The following CPZ variants were observed in gnomAD, a reference collection of about 807,000 sequenced individuals.
The protein encoded by CPZ is VEZT/CPZ fusion.
Under a neutral mutation model 61.8 loss-of-function variants are expected in CPZ, and 103 were observed. The observed-to-expected ratio is 1.67, with a 90% confidence interval of 1.42 to 1.96. The LOEUF is 1.96. Ranked by LOEUF, CPZ falls within the 30% of genes most tolerant of loss-of-function variation. The pLI is 0.00. For synonymous variants in CPZ, 551 were observed against 373.7 expected (o/e 1.47, Z -5.47); for missense variants, 1,461 against 914.9 (o/e 1.60, Z -7.70).
intron 2 of CPZ, among the ~76,000 whole-genome samples, chr4:8,600,421 T>C (rs1714488016): frequency 3.3e-5 from 5 of 152,290 alleles, no homozygotes; most frequent in South Asian, 4.1e-4. Flanking sequence ...GAGAAGGCCA[T>C]CTGGGGGTGC....
intron 9 of CPZ, among the ~76,000 whole-genome samples, chr4:8,617,444 C>T (rs572805209): frequency 1.3e-5 from 2 of 152,322 alleles, no homozygotes; most frequent in East Asian, 3.9e-4. Flanking sequence ...GGCCCAGGCT[C>T]TTTGCTTCTG....
chr4:8,609,064 C>CCCAT (rs1462338730), intron 7 of CPZ, among the ~76,000 whole-genome samples: 1 of 118,378 alleles, frequency 8.4e-6, no homozygotes, highest in Non-Finnish European at 1.8e-5. Context: ...CCCTCACTCC[C>CCCAT]TCACTCACCA....
chr4:8,619,367 G>A lies in CPZ; in HGVS notation c.1709G>A (p.Arg570Gln), dbSNP rs113699437. 2.7e-4 allele frequency: 440 copies of A among 1,614,170 alleles called. 9 individuals are homozygous for A. In the Middle Eastern group the frequency reaches 0.017, roughly 63 times the overall value. ...ATCAAGAAAGTCATCATCCCCGCCC[G>A]GATGAAGAGGGCTGGCCGTGTGGAC... ...KVIKKVIIPA[R>Q]MKRAGRVDFI... Residue 570 changes from arginine to glutamine, a missense_variant, in exon 11 of 11, where the codon CGG (arginine) becomes CAG (glutamine). Coordinates refer to ENST00000360986, the MANE Select transcript of CPZ (RefSeq NM_001014447.3).
intron 4 of CPZ, among the ~76,000 whole-genome samples, chr4:8,604,757 C>T (rs1464794534): frequency 6.6e-6 from 1 of 152,218 alleles, no homozygotes; most frequent in African/African-American, 2.4e-5. Context: ...CAAACAGAAT[C>T]GGTTATTTTA....
intron 9 of CPZ, among the ~76,000 whole-genome samples, chr4:8,616,794 G>A (rs557842211): frequency 1.3e-5 from 2 of 152,190 alleles, no homozygotes; most frequent in African/African-American, 4.8e-5. Flanking sequence ...CCCGCTAAAT[G>A]CGAGTCCATG....
intron 6 of CPZ, 150 bp from the exon 7 acceptor site, chr4:8,607,117 G>C: frequency 9.1e-7 from 1 of 1,093,298 alleles, no homozygotes; most frequent in Non-Finnish European, 1.3e-6. Flanking sequence ...CAGGGGCCCA[G>C]TGATGGGGGC....
At chr4:8,599,508 G>A in intron 2 of CPZ, 23 bp downstream of exon 2, 1 of 1,613,346 alleles carries the variant, frequency 6.2e-7, no homozygotes, top group Non-Finnish European at 8.5e-7. Context: ...GACCTCCCTG[G>A]CTTCTGTTCT....
chr4:8,599,681 G>C (rs558053652), intron 2 of CPZ, 196 bp downstream of exon 2: 13 of 1,407,670 alleles, frequency 9.2e-6, no homozygotes, highest in Non-Finnish European at 1.2e-5. Flanking sequence ...GCTAGGAAAA[G>C]GTGCACCAGC....
rs1294200052 is a variant in CPZ, at chr4:8,609,252, C to G, written c.1227+1827C>G. ...CTCATTGTCACTCATTCACTCATCA[C>G]TCACTCATTCTCTTATTCATTCACA... On this transcript the variant is annotated intron_variant, in intron 7 of 10. Coordinates refer to ENST00000360986, the MANE Select transcript of CPZ (RefSeq NM_001014447.3). Among the ~76,000 whole-genome samples, 21 of 73,340 alleles carry G rather than the reference C, an allele frequency of 2.9e-4. 1 individual carries two copies. The highest frequency in any genetic ancestry group is 1.1e-3 in the African/African-American group (15 of 13,176). 48.1% of individuals were successfully genotyped at this position (73,340 alleles called of 152,430 possible). A position where few individuals can be genotyped will look rare whatever the true frequency, so the allele number is the denominator to read the frequency against.
intron 4 of CPZ, among the ~76,000 whole-genome samples, chr4:8,605,128 G>A (rs1456841713): frequency 6.6e-6 from 1 of 152,232 alleles, no homozygotes; most frequent in Non-Finnish European, 1.5e-5. Flanking sequence ...ACCCCGGGAT[G>A]TGGCATCTGA....
chr4:8,605,941 G>T, intron 4 of CPZ, 48 bp from the exon 5 acceptor site: 1 of 1,578,236 alleles, frequency 6.3e-7, no homozygotes, highest in Non-Finnish European at 8.7e-7. Context: ...TGCCTTTGGG[G>T]ACCCCCGGCT....
chr4:8,613,483 G>A (rs1276109950), intron 8 of CPZ, among the ~76,000 whole-genome samples: 1 of 152,152 alleles, frequency 6.6e-6, no homozygotes, highest in Admixed American at 6.5e-5. Context: ...CCGGGGACCA[G>A]AGCTAGCTGG....
chr4:8,613,032 C>T (rs1715843285), intron 8 of CPZ, among the ~76,000 whole-genome samples: 1 of 152,224 alleles, frequency 6.6e-6, no homozygotes. Context: ...TCTCTCCCTT[C>T]CAGAACCCAG....
chr4:8,608,150 C>CCAGCCCG (rs1425610908), intron 7 of CPZ, among the ~76,000 whole-genome samples: 2 of 151,336 alleles, frequency 1.3e-5, no homozygotes, highest in Non-Finnish European at 2.9e-5. Flanking sequence ...CCCCCAGCCC[C>CCAGCCCG]CAGCCCCCAG....
rs781743967 is a variant in CPZ at position 8,601,294 on chromosome 4, G to A, written c.293G>A (p.Arg98Gln). The A allele has an allele frequency of 1.4e-5, 23 of 1,612,956 alleles. No homozygotes were observed. Among genetic ancestry groups the A allele is most frequent in the East Asian group, 4.5e-5 (2 of 44,858 alleles). ...LLEGQCNPDL[R>Q]LLGCAVLAPR... is the part of the protein sequence containing the mutation. The stretch of plus-strand genomic sequence containing the variant: ...GAAGGCCAGTGCAACCCGGACCTGC[G>A]GCTGCTGGGCTGTGCTGTGCTGGCC... Residue 98 changes from arginine (R) to glutamine (Q), a missense_variant, in exon 3 of 11, where the codon CGG becomes CAG. Transcript: ENST00000360986.
At position 8,614,495 on chromosome 4, in the gene CPZ, G is replaced by A; in HGVS notation, c.1500G>A (p.Glu500=). Residue 500 remains glutamate (E), a synonymous_variant, in exon 9 of 11, where the codon GAG becomes GAA. Transcript: ENST00000360986. ...HNKESLLNFV[E]TVHRGIKGVV... Reference sequence around the variant, plus strand: ...AGGAGTCACTCCTGAATTTCGTGGAGACGGTGAGTTCTGACGGTCTCAGGG... The same window carrying A: ...AGGAGTCACTCCTGAATTTCGTGGAAACGGTGAGTTCTGACGGTCTCAGGG... 6 of 1,613,426 alleles carry A rather than the reference G, an allele frequency of 3.7e-6. No homozygotes were observed. The highest frequency in any genetic ancestry group is 3.4e-6 in the Non-Finnish European group (4 of 1,179,652).
chr4:8,611,853 C>T (rs1715723990), intron 7 of CPZ, among the ~76,000 whole-genome samples, 174 bp from the exon 8 acceptor site: 1 of 152,110 alleles, frequency 6.6e-6, no homozygotes, highest in South Asian at 2.1e-4. Context: ...TGGGCCTTCA[C>T]ATACACTGTG....
At chr4:8,608,407 C>T (rs1011761991) in intron 7 of CPZ, among the ~76,000 whole-genome samples, 3 of 152,182 alleles carry the variant, frequency 2.0e-5, no homozygotes, top group African/African-American at 7.2e-5. Context: ...TAACAGCAGT[C>T]ACACATCGTT....
chr4:8,608,717 GA>G (rs1232872731), intron 7 of CPZ, among the ~76,000 whole-genome samples: 2 of 151,604 alleles, frequency 1.3e-5, no homozygotes, highest in African/African-American at 2.4e-5. Context: ...GGGACTTCAG[GA>G]GGGCTTCCCT....
Sources: allele counts gnomAD v4.1 joint callset (sites outside exome capture counted in the v4.1 genomes callset), GRCh38; gene constraint gnomAD v4.1.1; transcripts MANE v1.5; gene names NCBI Gene and HGNC (gene_info 2026-07-23, HGNC 2026-07-21).